Variants in DSCAML1 observed in about 807,000 individuals in gnomAD.
The protein encoded by DSCAML1 is DS cell adhesion molecule like 1.
In DSCAML1, 38 loss-of-function variants were observed where a neutral mutation model predicts 200.5. The ratio of observed to expected loss-of-function variants is 0.19; its 90% CI spans 0.15 to 0.25. The LOEUF (loss-of-function observed/expected upper bound fraction) is 0.25, where lower values mean the gene tolerates loss of function less well. Ranked by LOEUF, DSCAML1 falls within the 10% of genes least tolerant of loss-of-function variation. The probability of loss-of-function intolerance (pLI) is 1.00; values close to 1 mark genes in which losing one functional copy is unlikely to be tolerated. For synonymous variants in DSCAML1, 1,215 were observed against 1,165.0 expected (o/e 1.04, Z -0.87); for missense variants, 2,223 against 2,858.8 (o/e 0.78, Z 5.07).
In DSCAML1 at chr11:117,480,328, G is replaced by T. The variant is rs1424351334; in HGVS notation, c.2785+115C>A. 7 of 1,471,766 alleles carry T rather than the reference G, an allele frequency of 4.8e-6. No individual in the cohort carries two copies. Among genetic ancestry groups the T allele is most frequent in the Non-Finnish European group, 6.4e-6 (7 of 1,088,164 alleles). The allele number at this position is 1,471,766 out of a possible 1,614,324, so 91.2% of individuals were successfully genotyped here. ...GCACTGGTGGGTGCTTGTGTGTCTA[G>T]CTTGGATGGGCAGCCCTAAGGCTCA... On this transcript the variant is annotated intron_variant, in intron 14 of 32. Transcript: ENST00000651296. This position sits in a 1 kb window ranked among gnomAD's most constrained non-coding sequence, Gnocchi z 4.1.
chr11:117,485,990 T>A (rs1301826136), intron 11 of DSCAML1, among the ~76,000 whole-genome samples: 1 of 152,192 alleles, frequency 6.6e-6, no homozygotes, highest in East Asian at 1.9e-4. Context: ...ACTGGGCTGG[T>A]ATAATTAGCC....
At chr11:117,534,860 C>T (rs893126978) in intron 3 of DSCAML1, among the ~76,000 whole-genome samples, 3 of 152,204 alleles carry the variant, frequency 2.0e-5, no homozygotes, top group Non-Finnish European at 2.9e-5. Context: ...GATCCTTCTG[C>T]CTTGGCCCTC....
At chr11:117,694,698 T>C (rs2053558755) in intron 3 of DSCAML1, among the ~76,000 whole-genome samples, 1 of 152,206 alleles carries the variant, frequency 6.6e-6, no homozygotes, top group Admixed American at 6.5e-5. Flanking sequence ...GGCACGTTGG[T>C]GGCTTGAACT....
intron 20 of DSCAML1, among the ~76,000 whole-genome samples, chr11:117,447,388 T>C (rs1488567197): frequency 6.6e-6 from 1 of 152,192 alleles, no homozygotes; most frequent in Non-Finnish European, 1.5e-5. Flanking sequence ...ATGTATAATA[T>C]TATTTTAATT....
chr11:117,676,769 G>C (rs1437672618), intron 3 of DSCAML1, among the ~76,000 whole-genome samples: 1 of 152,248 alleles, frequency 6.6e-6, no homozygotes, highest in Non-Finnish European at 1.5e-5. Context: ...CTACCCGATG[G>C]GACGGCACTG....
At chr11:117,439,071 C>T in intron 23 of DSCAML1, 88 bp from the exon 24 acceptor site, 2 of 1,385,414 alleles carry the variant, frequency 1.4e-6, no homozygotes, top group Middle Eastern at 1.8e-4. Context: ...AAGGTGCTGG[C>T]TCTCCCACAC....
chr11:117,788,154 C>T (rs1404707963), intron 1 of DSCAML1, among the ~76,000 whole-genome samples: 1 of 152,216 alleles, frequency 6.6e-6, no homozygotes, highest in Non-Finnish European at 1.5e-5. Flanking sequence ...ACCAGGCAGC[C>T]TGAGCTGGTA....
In DSCAML1 at chr11:117,765,478, G is replaced by A. The variant is rs530879018; in HGVS notation, c.511+11313C>T. 3.3e-4 allele frequency among the ~76,000 whole-genome samples: 50 copies of A among 152,278 alleles called. No homozygotes were observed. In the South Asian group the frequency reaches 1.0e-2, roughly 30 times the overall value. Reference sequence around the variant, plus strand: ...GTCCCATGAGCCTGTGACCCTCTGTGTAAGAGCAGCAGTGTCTGCCCTCCT... The same window carrying A: ...GTCCCATGAGCCTGTGACCCTCTGTATAAGAGCAGCAGTGTCTGCCCTCCT... On this transcript the variant is annotated intron_variant, in intron 3 of 32. Transcript: ENST00000651296.
chr11:117,750,584 T>C (rs1410196961), intron 3 of DSCAML1, among the ~76,000 whole-genome samples: 1 of 152,152 alleles, frequency 6.6e-6, no homozygotes, highest in East Asian at 1.9e-4. Flanking sequence ...GCTGCACTCA[T>C]GCCAGCCTTC....
chr11:117,742,124 A>G (rs2054433477), intron 3 of DSCAML1, among the ~76,000 whole-genome samples: 2 of 152,302 alleles, frequency 1.3e-5, no homozygotes, highest in Admixed American at 1.3e-4. Context: ...GGACTCACCT[A>G]TAGAAACTGG....
intron 3 of DSCAML1, among the ~76,000 whole-genome samples, chr11:117,667,464 G>C (rs2053002513): frequency 6.6e-6 from 1 of 152,146 alleles, no homozygotes; most frequent in South Asian, 2.1e-4. Context: ...GGTCTGACTA[G>C]CCCCTCACTC....
intron 27 of DSCAML1, 26 bp from the exon 28 acceptor site, chr11:117,433,497 G>A: frequency 1.2e-6 from 2 of 1,610,254 alleles, no homozygotes; most frequent in Non-Finnish European, 1.7e-6. Context: ...GGGAGAGGAG[G>A]GCTGGGTGAG....
intron 16 of DSCAML1, among the ~76,000 whole-genome samples, chr11:117,467,960 C>G (rs1037388199): frequency 2.0e-5 from 3 of 152,130 alleles, no homozygotes; most frequent in Admixed American, 1.3e-4. Context: ...TACCTGCACA[C>G]GTGACCACAT....
intron 3 of DSCAML1, among the ~76,000 whole-genome samples, chr11:117,729,754 A>G (rs2054188543): frequency 6.6e-6 from 1 of 152,356 alleles, no homozygotes; most frequent in South Asian, 2.1e-4. Flanking sequence ...CAGGATAATG[A>G]CCTTCCAAAG....
At chr11:117,481,447 G>C (rs935321017) in intron 12 of DSCAML1, among the ~76,000 whole-genome samples, 177 bp from the exon 13 acceptor site, 17 of 151,108 alleles carry the variant, frequency 1.1e-4, no homozygotes, top group Non-Finnish European at 2.4e-4. Context: ...TGGAAGTATG[G>C]AGGGCTTCAT....
intron 3 of DSCAML1, among the ~76,000 whole-genome samples, chr11:117,545,583 G>A (rs776546857): frequency 6.7e-4 from 102 of 152,168 alleles, no homozygotes; most frequent in Non-Finnish European, 9.6e-4. Context: ...GAAAGGCAGA[G>A]GGGAGCCAAT....
chr11:117,486,549 G>A (rs1187257262), intron 11 of DSCAML1, among the ~76,000 whole-genome samples: 1 of 152,348 alleles, frequency 6.6e-6, no homozygotes, highest in Middle Eastern at 3.4e-3. Context: ...GCAGTAAGAT[G>A]GATGTATATC....
At chr11:117,575,088 G>A (rs942988702) in intron 3 of DSCAML1, among the ~76,000 whole-genome samples, 4 of 152,238 alleles carry the variant, frequency 2.6e-5, no homozygotes, top group Admixed American at 2.6e-4. Flanking sequence ...CTACTCGGGA[G>A]GTTGAGGAAG....
chr11:117,504,931 A>G lies in DSCAML1; in HGVS notation c.2175T>C (p.His725=). 3 of 1,608,306 alleles carry G rather than the reference A, an allele frequency of 1.9e-6. No individual in the cohort carries two copies. The highest frequency in any genetic ancestry group is 1.3e-5 in the African/African-American group (1 of 74,928). Residue 725 remains histidine, a synonymous_variant, in exon 10 of 33, where the codon CAT becomes CAC. Transcript: ENST00000651296. The surrounding 1 kb of genome is among the most constrained non-coding windows in gnomAD (Gnocchi z 5.0). ...GYPPPKVMWK[H]AKGSGNPQQY... ...GCTGGGCCAGGGGCTTACCCTTGGCATGCTTCCACATGACCTTGGGTGGGG... is the reference window on the plus strand; with the variant it reads ...GCTGGGCCAGGGGCTTACCCTTGGCGTGCTTCCACATGACCTTGGGTGGGG...
Sources: allele counts gnomAD v4.1 joint callset (sites outside exome capture counted in the v4.1 genomes callset), GRCh38; gene constraint gnomAD v4.1.1; non-coding constraint Gnocchi (gnomAD v3.1); transcripts MANE v1.5; gene names NCBI Gene and HGNC (gene_info 2026-07-23, HGNC 2026-07-21).